The following EPS8 variants were observed in gnomAD, a reference collection of about 807,000 sequenced individuals.
EPS8 encodes EGFR pathway substrate 8, signaling adaptor, also known as epidermal growth factor receptor kinase substrate 8.
EPS8 carries 42 observed loss-of-function variants against 103.8 expected under a neutral mutation model. The ratio of observed to expected loss-of-function variants is 0.40; its 90% CI spans 0.32 to 0.52. EPS8 has a LOEUF of 0.52. Ranked by LOEUF, EPS8 falls within the 20% of genes least tolerant of loss-of-function variation. EPS8 has a pLI of 0.40. For missense variants in EPS8, 969 were observed against 1,005.1 expected (o/e 0.96, Z 0.49); for synonymous variants, 344 against 344.6 (o/e 1.00, Z 0.02).
At chr12:15,655,431 C>T (rs1023987298) in intron 12 of EPS8, among the ~76,000 whole-genome samples, 4 of 152,094 alleles carry the variant, frequency 2.6e-5, no homozygotes, top group African/African-American at 7.2e-5. Context: ...TTTCAGTTTC[C>T]CCTCCTTGAG....
intron 12 of EPS8, among the ~76,000 whole-genome samples, chr12:15,657,115 G>T (rs1418472050): frequency 6.6e-6 from 1 of 152,088 alleles, no homozygotes; most frequent in Non-Finnish European, 1.5e-5. Flanking sequence ...GTGTCTTCCT[G>T]TTACCCTGCT....
intron 4 of EPS8, among the ~76,000 whole-genome samples, chr12:15,670,329 T>C (rs1164023995): frequency 6.6e-6 from 1 of 152,188 alleles, no homozygotes; most frequent in Non-Finnish European, 1.5e-5. Context: ...TGTTTAAATT[T>C]GATTAAGCAT....
chr12:15,725,637 C>G lies in EPS8; in HGVS notation c.-21-42665G>C, dbSNP rs1591899164. ...CATCATATGGTGATTCACTCACCACCACAGTATCAACCTTGGACATTAGAC... is the reference window on the plus strand; with the variant it reads ...CATCATATGGTGATTCACTCACCACGACAGTATCAACCTTGGACATTAGAC... On this transcript the variant is annotated intron_variant, in intron 1 of 20. Coordinates refer to ENST00000281172, the MANE Select transcript of EPS8 (RefSeq NM_004447.6). The surrounding 1 kb of genome is among the most constrained non-coding windows in gnomAD (Gnocchi z 4.5). 6.6e-6 allele frequency among the ~76,000 whole-genome samples: 1 copy of G among 152,086 alleles called. No individual in the cohort carries two copies. The highest frequency in any genetic ancestry group is 2.4e-5 in the African/African-American group (1 of 41,416).
At chr12:15,649,320 T>C (rs1213720376) in intron 14 of EPS8, among the ~76,000 whole-genome samples, 1 of 152,180 alleles carries the variant, frequency 6.6e-6, no homozygotes, top group Non-Finnish European at 1.5e-5. Flanking sequence ...CATTATAAAG[T>C]GAGTATATTT....
At chr12:15,742,032 AG>A (rs1231830739) in intron 1 of EPS8, among the ~76,000 whole-genome samples, 2 of 152,210 alleles carry the variant, frequency 1.3e-5, no homozygotes, top group Non-Finnish European at 2.9e-5. Flanking sequence ...GTCCCTACAA[AG>A]GACATGAACT....
In EPS8 at chr12:15,640,837, C is replaced by T; in HGVS notation, c.1687G>A (p.Asp563Asn). 6.2e-7 allele frequency: 1 copy of T among 1,613,614 alleles called. No individual in the cohort carries two copies. Among genetic ancestry groups the T allele is most frequent in the Non-Finnish European group, 8.5e-7 (1 of 1,179,776 alleles). Reference protein sequence around the residue: ...LKDDILEILDDRKQWWKVRNA... With the variant: ...LKDDILEILDNRKQWWKVRNA... ...CGAACTTTCCACCATTGCTTCCGAT[C>T]ATCAAGTATCTGTCATGTACAAGAA... Residue 563 changes from aspartate (D) to asparagine (N), a missense_variant, in exon 17 of 21, where the codon GAT (aspartate) becomes AAT (asparagine). By Grantham distance (23) the Asp-to-Asn change is conservative. Coordinates refer to ENST00000281172, the MANE Select transcript of EPS8 (RefSeq NM_004447.6).
At chr12:15,726,698 C>T (rs1273791054) in intron 1 of EPS8, among the ~76,000 whole-genome samples, 1 of 152,158 alleles carries the variant, frequency 6.6e-6, no homozygotes, top group East Asian at 1.9e-4. Flanking sequence ...CAATCTGTAG[C>T]TTTATTTTTC....
chr12:15,736,007 T>G lies in EPS8; in HGVS notation c.-21-53035A>C, dbSNP rs1226450462. Among the ~76,000 whole-genome samples, 1 of 152,118 alleles carries G rather than the reference T, an allele frequency of 6.6e-6. No individual in the cohort carries two copies. Among genetic ancestry groups the G allele is most frequent in the Non-Finnish European group, 1.5e-5 (1 of 68,020 alleles). ...CTCAAGCAATCCTTCCACCTTGGCC[T>G]CCCAAGTAGCTAGGACTACAGGTGC... On this transcript the variant is annotated intron_variant, in intron 1 of 20. Coordinates refer to ENST00000281172, the MANE Select transcript of EPS8 (RefSeq NM_004447.6). This position sits in a 1 kb window ranked among gnomAD's most constrained non-coding sequence, Gnocchi z 4.2.
intron 18 of EPS8, among the ~76,000 whole-genome samples, chr12:15,628,538 AG>A (rs1944988467): frequency 6.6e-6 from 1 of 152,242 alleles, no homozygotes; most frequent in African/African-American, 2.4e-5. Context: ...AAGCAACTAA[AG>A]TTTGGCATCT....
rs1946394159 is a variant in EPS8 at position 15,706,898 on chromosome 12, A to C, written c.-21-23926T>G. 6.6e-6 allele frequency among the ~76,000 whole-genome samples: 1 copy of C among 152,172 alleles called. No homozygotes were observed. The highest frequency in any genetic ancestry group is 2.4e-5 in the African/African-American group (1 of 41,440). Reference sequence around the variant, plus strand: ...TGCCCATATTTGATATCTAGTTAGCAAGCCAGACAAGCTTACATTTCAGTC... The same window carrying C: ...TGCCCATATTTGATATCTAGTTAGCCAGCCAGACAAGCTTACATTTCAGTC... On this transcript the variant is annotated intron_variant, in intron 1 of 20. Transcript: ENST00000281172. The surrounding 1 kb of genome is among the most constrained non-coding windows in gnomAD (Gnocchi z 5.2).
chr12:15,748,325 C>T lies in EPS8; in HGVS notation c.-22+40836G>A, dbSNP rs1056631772. Among the ~76,000 whole-genome samples the T allele has an allele frequency of 8.5e-5, 13 of 152,142 alleles. No individual in the cohort carries two copies. Among genetic ancestry groups the T allele is most frequent in the African/African-American group, 3.1e-4 (13 of 41,416 alleles). On this transcript the variant is annotated intron_variant, in intron 1 of 20. Coordinates refer to ENST00000281172, the MANE Select transcript of EPS8 (RefSeq NM_004447.6). This position sits in a 1 kb window ranked among gnomAD's most constrained non-coding sequence, Gnocchi z 4.8. Reference sequence around the variant, plus strand: ...AAGTAATATTCTTAAGTCAAATGCTCACCAATTTTAAGTATTCATCTATTA... The same window carrying T: ...AAGTAATATTCTTAAGTCAAATGCTTACCAATTTTAAGTATTCATCTATTA...
chr12:15,666,881 C>T (rs1171994124), intron 6 of EPS8, among the ~76,000 whole-genome samples: 2 of 152,230 alleles, frequency 1.3e-5, no homozygotes, highest in Middle Eastern at 3.4e-3. Context: ...GAGTTCCTTC[C>T]CTTTCTCATC....
At chr12:15,639,266 A>G (rs1156344646) in intron 17 of EPS8, among the ~76,000 whole-genome samples, 1 of 152,138 alleles carries the variant, frequency 6.6e-6, no homozygotes, top group East Asian at 1.9e-4. Context: ...CCTCTATGGG[A>G]AAGAAAATGA....
chr12:15,665,067 A>C (rs1945683576), intron 8 of EPS8: 2 of 152,280 alleles, frequency 1.3e-5, no homozygotes, highest in Admixed American at 1.3e-4. Context: ...TGTCCTGACA[A>C]CCTTTCCATG....
Position 15,777,225 on chromosome 12 carries a change from A to C in EPS8, c.-22+11936T>G, listed in dbSNP as rs1250927254. Among the ~76,000 whole-genome samples, 3 of 152,028 alleles carry C rather than the reference A, an allele frequency of 2.0e-5. No individual in the cohort carries two copies. Among genetic ancestry groups the C allele is most frequent in the Non-Finnish European group, 4.4e-5 (3 of 67,998 alleles). The stretch of plus-strand genomic sequence containing the variant: ...TAACTCAAGATATATTTTAATTCAA[A>C]TTCTAAAATTCCCTACAGTGATAAG... On this transcript the variant is annotated intron_variant, in intron 1 of 20. Transcript: ENST00000281172. The surrounding 1 kb of genome is among the most constrained non-coding windows in gnomAD (Gnocchi z 4.7).
intron 1 of EPS8, among the ~76,000 whole-genome samples, chr12:15,712,271 A>C (rs1946476094): frequency 6.6e-6 from 1 of 152,158 alleles, no homozygotes; most frequent in African/African-American, 2.4e-5. Context: ...ACACATATTC[A>C]ACTGTATTTT....
chr12:15,663,940 A>T (rs897109500), intron 8 of EPS8, among the ~76,000 whole-genome samples: 13 of 10,728 alleles, frequency 1.2e-3, no homozygotes, highest in Non-Finnish European at 2.4e-3. Flanking sequence ...AAAAAAAAAA[A>T]AAAAAATAAT....
At chr12:15,739,487 T>C (rs1946798298) in intron 1 of EPS8, among the ~76,000 whole-genome samples, 1 of 152,146 alleles carries the variant, frequency 6.6e-6, no homozygotes, top group Non-Finnish European at 1.5e-5. Context: ...TCCAATCGAC[T>C]GGGGGACCAG....
intron 14 of EPS8, 97 bp downstream of exon 14, chr12:15,650,726 T>C (rs768269571): frequency 1.3e-4 from 132 of 1,026,646 alleles, no homozygotes; most frequent in Admixed American, 9.6e-4. Context: ...CTAGAACAAT[T>C]TTCAGTTGAA....
Sources: allele counts gnomAD v4.1 joint callset (sites outside exome capture counted in the v4.1 genomes callset), GRCh38; gene constraint gnomAD v4.1.1; non-coding constraint Gnocchi (gnomAD v3.1); transcripts MANE v1.5; gene names NCBI Gene and HGNC (gene_info 2026-07-23, HGNC 2026-07-21).